Variants in KAT2B observed in about 807,000 individuals in gnomAD.
KAT2B encodes lysine acetyltransferase 2B, also known as histone acetyltransferase KAT2B.
A neutral mutation model predicts 105.9 loss-of-function variants in KAT2B; 36 were observed. The observed-to-expected ratio is 0.34, with a 90% CI of 0.26 to 0.45. The LOEUF is 0.45. KAT2B is among the 20% of genes least tolerant of loss of function. KAT2B has a pLI of 1.00. For synonymous variants in KAT2B, 397 were observed against 377.9 expected, an observed-to-expected ratio of 1.05 and a Z score of -0.59; for missense variants, 820 against 1,021.6, an observed-to-expected ratio of 0.80 and a Z score of 2.69.
chr3:20,043,728 T>A lies in KAT2B; in HGVS notation c.303+2948T>A, dbSNP rs80250141. ...GACATTATCTCAGATTTGCTTTTTT[T>A]AAAAAAAAAAAAAATTTAACTGGAC... is the stretch of plus-strand genomic sequence containing the variant. On this transcript the variant is annotated intron_variant, in intron 1 of 17. Coordinates refer to ENST00000263754, the MANE Select transcript of KAT2B (RefSeq NM_003884.5). Among the ~76,000 whole-genome samples the A allele has an allele frequency of 2.6e-3, 335 of 127,488 alleles. 3 individuals are homozygous for A. Among genetic ancestry groups the A allele is most frequent in the Admixed American group, 5.3e-3 (69 of 13,090 alleles). The allele number at this position is 127,488 out of a possible 152,430, so 83.6% of individuals were successfully genotyped here.
chr3:20,126,547 GC>G (rs1186564028), intron 10 of KAT2B, among the ~76,000 whole-genome samples: 1 of 151,478 alleles, frequency 6.6e-6, no homozygotes, highest in Non-Finnish European at 1.5e-5. Context: ...ACTAGGCCGG[GC>G]ATGGTGGCTC....
chr3:20,042,853 C>A (rs527414619), intron 1 of KAT2B, among the ~76,000 whole-genome samples: 1 of 151,932 alleles, frequency 6.6e-6, no homozygotes, highest in African/African-American at 2.4e-5. Context: ...TTGAGTGTTT[C>A]CTGGTCACTT....
intron 13 of KAT2B, among the ~76,000 whole-genome samples, chr3:20,141,279 CTTTT>C (rs377152704): frequency 0.018 from 2,688 of 151,908 alleles, 25 homozygotes; most frequent in South Asian, 0.048. Context: ...ATTGAGGTGA[CTTTT>C]TTTATGCATA....
At chr3:20,074,551 T>A (rs113491905) in intron 2 of KAT2B, among the ~76,000 whole-genome samples, 1 of 152,230 alleles carries the variant, frequency 6.6e-6, no homozygotes, top group Non-Finnish European at 1.5e-5. Context: ...ATGTTGTTCG[T>A]AGTAGTGGTA....
chr3:20,070,733 T>G (rs1698307602), intron 1 of KAT2B, among the ~76,000 whole-genome samples: 1 of 151,642 alleles, frequency 6.6e-6, no homozygotes, highest in Non-Finnish European at 1.5e-5. Context: ...ATGCTGCTGG[T>G]CACGGTGGCG....
intron 1 of KAT2B, among the ~76,000 whole-genome samples, chr3:20,056,441 A>T (rs1698005520): frequency 6.6e-6 from 1 of 152,220 alleles, no homozygotes; most frequent in Non-Finnish European, 1.5e-5. Context: ...TACATTAGAT[A>T]TGTCTGTTAA....
At chr3:20,150,151 C>T (rs1280180717) in intron 17 of KAT2B, among the ~76,000 whole-genome samples, 1 of 152,182 alleles carries the variant, frequency 6.6e-6, no homozygotes, top group African/African-American at 2.4e-5. Context: ...CCTAATTGAG[C>T]AAGGCCAGTG....
chr3:20,094,247 G>A (rs1698770614), intron 2 of KAT2B, among the ~76,000 whole-genome samples: 1 of 152,112 alleles, frequency 6.6e-6, no homozygotes, highest in Non-Finnish European at 1.5e-5. Context: ...AGTCTTACAT[G>A]GCAGCAGGAG....
At chr3:20,100,022 A>T (rs1698881758) in intron 4 of KAT2B, 68 bp downstream of exon 4, 1 of 835,578 alleles carries the variant, frequency 1.2e-6, no homozygotes, top group East Asian at 2.5e-5. Context: ...TCCTCCTTTT[A>T]TATCTCTATC....
chr3:20,143,005 G>A (rs1461897728), intron 13 of KAT2B, among the ~76,000 whole-genome samples: 1 of 152,084 alleles, frequency 6.6e-6, no homozygotes, highest in East Asian at 1.9e-4. Flanking sequence ...ACAAGGAATT[G>A]GGGTTGGAGA....
In KAT2B at chr3:20,146,405, T is replaced by A; in HGVS notation, c.2094T>A (p.Ile698=). 1.2e-6 allele frequency: 2 copies of A among 1,611,798 alleles called. No individual in the cohort carries two copies. The highest frequency in any genetic ancestry group is 1.7e-6 in the Non-Finnish European group (2 of 1,177,978). ...GTTTTAAAGATGGAGTTCGACAGAT[T>A]CCTATAGAAAGCATTCCTGGAATTA... is the stretch of plus-strand genomic sequence containing the variant. ...LSCFKDGVRQ[I]PIESIPGIRE... Residue 698 remains isoleucine (I), a synonymous_variant, in exon 14 of 18, where the codon ATT becomes ATA. Transcript: ENST00000263754.
chr3:20,101,187 G>A (rs79153033), intron 4 of KAT2B, 100 bp from the exon 5 acceptor site: 12,379 of 904,476 alleles, frequency 0.014, 94 homozygotes, highest in Non-Finnish European at 0.018. Context: ...AGAAATGTCT[G>A]TTATTTTGCT....
intron 2 of KAT2B, among the ~76,000 whole-genome samples, chr3:20,083,093 T>C (rs1449879824): frequency 2.6e-5 from 4 of 152,228 alleles, no homozygotes; most frequent in African/African-American, 9.6e-5. Context: ...CTCTCACTAC[T>C]GATACAGTGT....
chr3:20,148,234 C>T lies in KAT2B; in HGVS notation c.2157-9C>T. 1 of 1,609,410 alleles carries T rather than the reference C, an allele frequency of 6.2e-7. No individual in the cohort carries two copies. Among genetic ancestry groups the T allele is most frequent in the Non-Finnish European group, 8.5e-7 (1 of 1,177,054 alleles). On this transcript the variant is annotated splice_polypyrimidine_tract_variant and intron_variant, in intron 15 of 17. Transcript: ENST00000263754. Reference sequence around the variant, plus strand: ...ATCATTGCTCCTTGTTTCCCTTTTTCCTTTCAAGTAAAGAGCCCAGAGACC... The same window carrying T: ...ATCATTGCTCCTTGTTTCCCTTTTTTCTTTCAAGTAAAGAGCCCAGAGACC...
chr3:20,144,614 T>A (rs1305796960), intron 13 of KAT2B, among the ~76,000 whole-genome samples: 1 of 150,450 alleles, frequency 6.6e-6, no homozygotes, highest in East Asian at 2.0e-4. Flanking sequence ...TTTTTTTTTT[T>A]AAGATTTGGA....
At chr3:20,088,046 A>C (rs1484814426) in intron 2 of KAT2B, among the ~76,000 whole-genome samples, 1 of 152,124 alleles carries the variant, frequency 6.6e-6, no homozygotes, top group Admixed American at 6.6e-5. Flanking sequence ...CCAAAGTGCT[A>C]GGATTACAGG....
intron 1 of KAT2B, among the ~76,000 whole-genome samples, chr3:20,046,047 G>A (rs1697805419): frequency 1.3e-5 from 2 of 152,336 alleles, no homozygotes; most frequent in South Asian, 4.1e-4. Context: ...ATGACTGCAT[G>A]TATAAAGTGG....
Position 20,062,147 on chromosome 3 carries a change from TA to T in KAT2B, c.304-10181del, listed in dbSNP as rs1268537442. The stretch of plus-strand genomic sequence containing the variant: ...ATATATATATAAAATATATAATATA[TA>T]AAAATATATAATATATAATATATAT... On this transcript the variant is annotated intron_variant, in intron 1 of 17. Coordinates refer to ENST00000263754, the MANE Select transcript of KAT2B (RefSeq NM_003884.5). 6.7e-4 allele frequency among the ~76,000 whole-genome samples: 59 copies of T among 88,060 alleles called. 1 individual carries two copies. The highest frequency in any genetic ancestry group is 2.2e-3 in the African/African-American group (44 of 20,444). The allele number at this position is 88,060 out of a possible 152,430, so 57.8% of individuals were successfully genotyped here. A position where few individuals can be genotyped will look rare whatever the true frequency, so the allele number is the denominator to read the frequency against.
intron 13 of KAT2B, among the ~76,000 whole-genome samples, chr3:20,141,993 C>G (rs184511239): frequency 1.3e-5 from 2 of 152,076 alleles, no homozygotes; most frequent in Admixed American, 6.5e-5. Context: ...CACATCGTTC[C>G]GCATTAGAGG....
Sources: allele counts gnomAD v4.1 joint callset (sites outside exome capture counted in the v4.1 genomes callset), GRCh38; gene constraint gnomAD v4.1.1; transcripts MANE v1.5; gene names NCBI Gene and HGNC (gene_info 2026-07-23, HGNC 2026-07-21).